The following ERG variants were observed in gnomAD, a reference collection of about 807,000 sequenced individuals.
ERG encodes transcriptional regulator ERG.
Under a neutral mutation model 55.3 loss-of-function variants are expected in ERG, and 9 were observed. The ratio of observed to expected loss-of-function variants is 0.16; its 90% CI spans 0.10 to 0.28. ERG has a LOEUF of 0.28. Among genes scored for constraint, ERG ranks in the 10% least tolerant of loss-of-function variants. ERG has a pLI of 1.00. For missense variants in ERG, 434 were observed against 631.6 expected (o/e 0.69, Z 3.35); for synonymous variants, 223 against 237.3 (o/e 0.94, Z 0.55).
chr21:38,564,575 T>TTC (rs368309134), intron 2 of ERG, among the ~76,000 whole-genome samples: 40 of 151,792 alleles, frequency 2.6e-4, no homozygotes, highest in African/African-American at 9.2e-4. Context: ...TCTGCACTTC[T>TTC]TCTCTCTCTC....
At chr21:38,377,587 T>C (rs1987278519), downstream of ERG, among the ~76,000 whole-genome samples, 1 of 152,220 alleles carries the variant, frequency 6.6e-6, no homozygotes. Flanking sequence ...AAAAAGTTGT[T>C]AACATCTTGA....
chr21:38,651,220 A>T (rs1198592925), intron 1 of ERG, among the ~76,000 whole-genome samples: 3 of 152,224 alleles, frequency 2.0e-5, no homozygotes, highest in Non-Finnish European at 4.4e-5. Context: ...CAGATCTAGT[A>T]CCGAACATGT....
At chr21:38,546,024 T>C (rs2836504) in intron 2 of ERG, among the ~76,000 whole-genome samples, 76,767 of 151,968 alleles carry the variant, frequency 0.51, 20,704 homozygotes, top group Non-Finnish European at 0.62. Context: ...CTTCCAGGCT[T>C]GAGCCTAGAG....
chr21:38,413,033 C>T (rs1295607264), intron 3 of ERG, among the ~76,000 whole-genome samples: 1 of 152,162 alleles, frequency 6.6e-6, no homozygotes, highest in Non-Finnish European at 1.5e-5. Context: ...GGGGTGGGGA[C>T]TCGGGTAATG....
the ERG span, among the ~76,000 whole-genome samples, chr21:38,367,398 A>T: frequency 6.6e-6 from 1 of 152,154 alleles, no homozygotes; most frequent in Non-Finnish European, 1.5e-5. Flanking sequence ...TTCAGTTAAG[A>T]TGTTGACCAA....
intron 1 of ERG, among the ~76,000 whole-genome samples, chr21:38,496,301 A>G (rs2059378789): frequency 6.6e-6 from 1 of 152,210 alleles, no homozygotes; most frequent in African/African-American, 2.4e-5. Flanking sequence ...CAACAAAAAA[A>G]CAGAGTGCAT....
chr21:38,396,918 A>T lies in ERG; in HGVS notation c.745+3656T>A, dbSNP rs189447775. 7.5e-3 allele frequency among the ~76,000 whole-genome samples: 1,085 copies of T among 145,274 alleles called. 6 individuals carry two copies. Among genetic ancestry groups the T allele is most frequent in the African/African-American group, 0.029 (1,008 of 35,254 alleles). ...AACATCATAAAATAAAGTATAATAA[A>T]ATATATATATATTTAAAAAATCATA... is the stretch of plus-strand genomic sequence containing the variant. On this transcript the variant is annotated intron_variant, in intron 6 of 9. Coordinates refer to ENST00000288319, the MANE Select transcript of ERG (RefSeq NM_182918.4).
At chr21:38,370,101 G>A in the ERG span, among the ~76,000 whole-genome samples, 63 of 151,938 alleles carry the variant, frequency 4.1e-4, no homozygotes, top group Non-Finnish European at 7.7e-4. Flanking sequence ...TTGGCTATTC[G>A]GGCTTTTTCA....
intron 1 of ERG, among the ~76,000 whole-genome samples, chr21:38,606,777 A>G (rs1300673617): frequency 1.3e-5 from 2 of 152,206 alleles, no homozygotes; most frequent in African/African-American, 4.8e-5. Flanking sequence ...AAATTACTGA[A>G]CTACCTAGAA....
chr21:38,588,388 T>C (rs1326046040), upstream of ERG, among the ~76,000 whole-genome samples: 1 of 152,038 alleles, frequency 6.6e-6, no homozygotes, highest in East Asian at 1.9e-4. Flanking sequence ...TGGGATTCAG[T>C]ATTCAGTCAG....
chr21:38,558,739 G>A (rs2059873749), intron 2 of ERG, among the ~76,000 whole-genome samples: 1 of 152,150 alleles, frequency 6.6e-6, no homozygotes, highest in South Asian at 2.1e-4. Context: ...AACACACGGA[G>A]GTGACAGTTA....
intron 1 of ERG, among the ~76,000 whole-genome samples, chr21:38,652,943 C>G (rs2060496858): frequency 6.6e-6 from 1 of 152,214 alleles, no homozygotes. Flanking sequence ...ATGACACAAG[C>G]ATTCACCCCT....
intron 2 of ERG, among the ~76,000 whole-genome samples, chr21:38,546,202 C>A (rs1198954465): frequency 1.3e-5 from 2 of 152,160 alleles, no homozygotes; most frequent in Non-Finnish European, 2.9e-5. Flanking sequence ...AGTGCAAACT[C>A]CCCCTAAAAT....
intron 1 of ERG, among the ~76,000 whole-genome samples, chr21:38,639,892 A>G (rs2060413168): frequency 6.6e-6 from 1 of 152,170 alleles, no homozygotes; most frequent in South Asian, 2.1e-4. Context: ...ATGAAAACCA[A>G]CAGAATCCTA....
chr21:38,379,800 A>C (rs994060163), downstream of ERG, among the ~76,000 whole-genome samples: 5 of 152,176 alleles, frequency 3.3e-5, no homozygotes. Context: ...TGGCGTGATC[A>C]CAGCTCACTG....
intron 1 of ERG, among the ~76,000 whole-genome samples, chr21:38,607,948 A>G (rs2060205779): frequency 6.6e-6 from 1 of 152,202 alleles, no homozygotes; most frequent in Non-Finnish European, 1.5e-5. Flanking sequence ...AATCGTAAGA[A>G]GAGTCTAACC....
chr21:38,633,947 G>A (rs1179982195), intron 1 of ERG, among the ~76,000 whole-genome samples: 1 of 150,664 alleles, frequency 6.6e-6, no homozygotes, highest in Middle Eastern at 3.2e-3. Context: ...TGCCTCAAAA[G>A]AACCATAAGG....
At chr21:38,574,262 C>A (rs550490778) in intron 2 of ERG, among the ~76,000 whole-genome samples, 1 of 152,204 alleles carries the variant, frequency 6.6e-6, no homozygotes, top group Non-Finnish European at 1.5e-5. Context: ...ACACACTGAT[C>A]AAATATGTTC....
chr21:38,379,023 T>A (rs1489784327), downstream of ERG, among the ~76,000 whole-genome samples: 4 of 152,172 alleles, frequency 2.6e-5, no homozygotes, highest in Non-Finnish European at 5.9e-5. Context: ...CTATTCTACA[T>A]CTCATTGCTG....
Sources: gnomAD v4.1 joint callset for allele counts (sites outside exome capture counted in the v4.1 genomes callset) on GRCh38, gnomAD v4.1.1 for gene constraint, MANE v1.5 for transcripts, NCBI Gene and HGNC (gene_info 2026-07-23, HGNC 2026-07-21) for gene names.